Variants in C1orf141 observed in about 807,000 individuals in gnomAD.
C1orf141 encodes chromosome 1 open reading frame 141.
A neutral mutation model predicts 23.2 loss-of-function variants in C1orf141; 19 were observed. The observed-to-expected ratio is 0.82, with a 90% CI of 0.57 to 1.20. The LOEUF is 1.20. Ranked by LOEUF, C1orf141 falls within the 50% of genes most tolerant of loss-of-function variation. C1orf141 has a pLI of 0.00. For missense variants in C1orf141, 469 were observed against 455.1 expected, an observed-to-expected ratio of 1.03 and a Z score of -0.28; for synonymous variants, 153 against 154.6, an observed-to-expected ratio of 0.99 and a Z score of 0.08.
At chr1:67,117,548 G>A (rs993664076) in intron 4 of C1orf141, among the ~76,000 whole-genome samples, 14 of 151,970 alleles carry the variant, frequency 9.2e-5, no homozygotes, top group Non-Finnish European at 1.9e-4. Context: ...TGTAATCTCC[G>A]TAAAACAATT....
At chr1:67,093,715 A>G (rs1319830978) in intron 7 of C1orf141, 111 bp from the exon 8 acceptor site, 3 of 781,636 alleles carry the variant, frequency 3.8e-6, no homozygotes, top group Non-Finnish European at 5.7e-6. Context: ...ATGACTACAT[A>G]CAAATATTTA....
intron 5 of C1orf141, among the ~76,000 whole-genome samples, chr1:67,100,909 A>G (rs964726849): frequency 4.6e-5 from 7 of 152,204 alleles, no homozygotes; most frequent in African/African-American, 1.4e-4. Context: ...GGAGAAGTTT[A>G]TTTCTGGGCA....
At chr1:67,106,537 T>C (rs1645931025) in intron 5 of C1orf141, among the ~76,000 whole-genome samples, 1 of 151,922 alleles carries the variant, frequency 6.6e-6, no homozygotes, top group South Asian at 2.1e-4. Flanking sequence ...CACACGTCTG[T>C]AGTCCAGCTA....
intron 1 of C1orf141, among the ~76,000 whole-genome samples, chr1:67,134,264 A>G (rs1418939484): frequency 6.6e-6 from 1 of 152,230 alleles, no homozygotes; most frequent in Non-Finnish European, 1.5e-5. Context: ...TTGGCCTCCC[A>G]AAGTGCTGGG....
chr1:67,114,901 C>G (rs1054358906), intron 5 of C1orf141, among the ~76,000 whole-genome samples: 1 of 152,226 alleles, frequency 6.6e-6, no homozygotes, highest in Non-Finnish European at 1.5e-5. Flanking sequence ...GTCTCGAACT[C>G]CTGACCTCAG....
chr1:67,099,870 G>A (rs189826998), intron 5 of C1orf141, among the ~76,000 whole-genome samples: 4 of 152,258 alleles, frequency 2.6e-5, no homozygotes, highest in Admixed American at 2.6e-4. Flanking sequence ...AATTGGCATT[G>A]TCTTTAAAAA....
intron 3 of C1orf141, among the ~76,000 whole-genome samples, chr1:67,126,603 A>G (rs979416628): frequency 6.6e-6 from 1 of 152,186 alleles, no homozygotes; most frequent in Non-Finnish European, 1.5e-5. Context: ...AAAATATATG[A>G]AAACAACTGC....
intron 6 of C1orf141, 159 bp downstream of exon 6, chr1:67,096,093 G>A (rs1014913617): frequency 2.2e-6 from 1 of 459,568 alleles, no homozygotes; most frequent in Non-Finnish European, 3.9e-6. Flanking sequence ...AGGTCTGGAT[G>A]TGATATCTAG....
intron 2 of C1orf141, among the ~76,000 whole-genome samples, chr1:67,129,356 T>C (rs1220784159): frequency 1.3e-5 from 2 of 151,624 alleles, no homozygotes; most frequent in African/African-American, 2.4e-5. Flanking sequence ...CTGGGGAGGC[T>C]GAGGTGGGAG....
intron 4 of C1orf141, chr1:67,124,035 C>T (rs1433080455): frequency 6.6e-6 from 1 of 152,334 alleles, no homozygotes; most frequent in Non-Finnish European, 1.5e-5. Context: ...AGAACACAGG[C>T]TCTGAAATCA....
chr1:67,098,127 G>A (rs1645723704), intron 5 of C1orf141, among the ~76,000 whole-genome samples: 1 of 152,164 alleles, frequency 6.6e-6, no homozygotes, highest in African/African-American at 2.4e-5. Flanking sequence ...TGAGGGTCAC[G>A]AGGTCTGAGT....
chr1:67,102,151 C>A (rs999847492), intron 5 of C1orf141, among the ~76,000 whole-genome samples: 8 of 152,092 alleles, frequency 5.3e-5, no homozygotes, highest in Admixed American at 2.6e-4. Context: ...GTATCCTGAA[C>A]AGCATTTTAA....
chr1:67,094,273 G>A (rs568663399), intron 7 of C1orf141: 1 of 152,314 alleles, frequency 6.6e-6, no homozygotes, highest in East Asian at 1.9e-4. Flanking sequence ...GCAATCCACT[G>A]GTGATGCCAA....
At chr1:67,097,595 A>G (rs774589849) in intron 5 of C1orf141, among the ~76,000 whole-genome samples, 87 of 152,212 alleles carry the variant, frequency 5.7e-4, no homozygotes, top group Non-Finnish European at 7.5e-4. Flanking sequence ...GAGTTAAGAT[A>G]TTATTCTGGT....
chr1:67,098,422 T>C (rs944211689), intron 5 of C1orf141, among the ~76,000 whole-genome samples: 2 of 152,044 alleles, frequency 1.3e-5, no homozygotes, highest in Non-Finnish European at 2.9e-5. Context: ...CTTGGGAGAC[T>C]AAGGCAGGAG....
At chr1:67,107,770 A>G (rs1645965604) in intron 5 of C1orf141, among the ~76,000 whole-genome samples, 1 of 152,156 alleles carries the variant, frequency 6.6e-6, no homozygotes, top group Admixed American at 6.5e-5. Flanking sequence ...CATGCCTGTA[A>G]TCCCAGCTAC....
chr1:67,105,364 TA>T (rs1028310884), intron 5 of C1orf141, among the ~76,000 whole-genome samples: 2 of 150,912 alleles, frequency 1.3e-5, no homozygotes, highest in Admixed American at 6.6e-5. Context: ...AAACATAATT[TA>T]AAAAATTCTA....
chr1:67,108,869 A>G (rs562791666), intron 5 of C1orf141, among the ~76,000 whole-genome samples: 4 of 152,312 alleles, frequency 2.6e-5, no homozygotes, highest in Admixed American at 2.6e-4. Flanking sequence ...GCAAATTAAA[A>G]CCACAATGAG....
upstream of C1orf141, among the ~76,000 whole-genome samples, chr1:67,137,140 A>C (rs937823723): frequency 6.6e-6 from 1 of 152,184 alleles, no homozygotes; most frequent in Non-Finnish European, 1.5e-5. Context: ...AACTGCCCTT[A>C]CTTCTGACAC....
Sources: gnomAD v4.1 joint callset for allele counts (sites outside exome capture counted in the v4.1 genomes callset) on GRCh38, gnomAD v4.1.1 for gene constraint, MANE v1.5 for transcripts, NCBI Gene and HGNC (gene_info 2026-07-23, HGNC 2026-07-21) for gene names.